The following POU6F2 variants were observed in gnomAD, a reference collection of about 807,000 sequenced individuals.
The protein encoded by POU6F2 is POU class 6 homeobox 2.
In POU6F2, 31 loss-of-function variants were observed where a neutral mutation model predicts 71.3. The ratio of observed to expected loss-of-function variants is 0.43; its 90% CI spans 0.33 to 0.59. POU6F2 has a LOEUF of 0.59. Among genes scored for constraint, POU6F2 ranks in the 20% least tolerant of loss-of-function variants. The pLI is 0.04. For synonymous variants in POU6F2, 347 were observed against 355.7 expected (o/e 0.98, Z 0.27); for missense variants, 783 against 856.8 (o/e 0.91, Z 1.07).
chr7:39,329,482 T>G (rs1438694755), intron 4 of POU6F2, among the ~76,000 whole-genome samples: 1 of 152,146 alleles, frequency 6.6e-6, no homozygotes. Flanking sequence ...TATACTTTGA[T>G]TCTTAGAAGT....
intron 8 of POU6F2, among the ~76,000 whole-genome samples, chr7:39,452,321 G>T (rs1423235675): frequency 2.6e-5 from 4 of 152,204 alleles, no homozygotes; most frequent in African/African-American, 9.7e-5. Flanking sequence ...ATAGTTTTTA[G>T]AATGGTATTT....
At chr7:39,355,204 A>G (rs1036571513) in intron 5 of POU6F2, among the ~76,000 whole-genome samples, 6 of 152,190 alleles carry the variant, frequency 3.9e-5, no homozygotes, top group Admixed American at 2.0e-4. Flanking sequence ...AGATTGGGGA[A>G]GGGCATGGTG....
intron 4 of POU6F2, among the ~76,000 whole-genome samples, chr7:39,291,142 C>T (rs1378508610): frequency 1.3e-5 from 2 of 151,978 alleles, no homozygotes; most frequent in African/African-American, 2.4e-5. Flanking sequence ...TAGCTGATAA[C>T]GTATAGCATT....
intron 4 of POU6F2, among the ~76,000 whole-genome samples, chr7:39,334,845 T>A (rs1235008740): frequency 6.6e-6 from 1 of 152,148 alleles, no homozygotes; most frequent in African/African-American, 2.4e-5. Context: ...AAATACAGAG[T>A]TAGGGAGGCA....
At chr7:39,097,216 CT>C (rs1378381337) in intron 2 of POU6F2, among the ~76,000 whole-genome samples, 3 of 152,026 alleles carry the variant, frequency 2.0e-5, no homozygotes, top group Non-Finnish European at 4.4e-5. Context: ...TTATTATTCT[CT>C]GTCAAAATTC....
rs117652635 is a variant in POU6F2, at chr7:39,426,036, G to A, written c.1114-7041G>A. Among the ~76,000 whole-genome samples the A allele has an allele frequency of 5.0e-3, 759 of 152,194 alleles. 4 individuals are homozygous for A. The highest frequency in any genetic ancestry group is 0.018 in the South Asian group (88 of 4,822). On this transcript the variant is annotated intron_variant, in intron 6 of 9. Transcript: ENST00000518318. Reference sequence around the variant, plus strand: ...CCCAGCTGCAACCCTAACTTAAAACGCCGTTAGCAGCCCCAACTGGGGCTC... The same window carrying A: ...CCCAGCTGCAACCCTAACTTAAAACACCGTTAGCAGCCCCAACTGGGGCTC...
At chr7:39,108,412 C>T (rs574186866) in intron 2 of POU6F2, among the ~76,000 whole-genome samples, 54 of 152,182 alleles carry the variant, frequency 3.5e-4, no homozygotes, top group African/African-American at 1.2e-3. Flanking sequence ...TTCTTTCCTT[C>T]GACCTCAGCT....
intron 2 of POU6F2, among the ~76,000 whole-genome samples, chr7:39,087,497 A>G (rs1791277753): frequency 6.6e-6 from 1 of 152,124 alleles, no homozygotes; most frequent in African/African-American, 2.4e-5. Context: ...CCCTAAAGAA[A>G]TATTTTTTAT....
intron 5 of POU6F2, among the ~76,000 whole-genome samples, chr7:39,390,435 T>C (rs1004718229): frequency 6.6e-6 from 1 of 152,178 alleles, no homozygotes; most frequent in Non-Finnish European, 1.5e-5. Context: ...GGTCGCTTAA[T>C]GGTAAGGCAA....
At chr7:39,361,852 G>A (rs1272888488) in intron 5 of POU6F2, among the ~76,000 whole-genome samples, 6 of 152,278 alleles carry the variant, frequency 3.9e-5, no homozygotes, top group Admixed American at 3.3e-4. Flanking sequence ...GTTTGAGCTC[G>A]GGTGTTTGAG....
At chr7:39,242,904 G>A (rs4404830) in intron 4 of POU6F2, among the ~76,000 whole-genome samples, 38,974 of 151,962 alleles carry the variant, frequency 0.26, 5,669 homozygotes, top group African/African-American at 0.4. Flanking sequence ...GGAAACCGAA[G>A]TACAGAGAAG....
intron 4 of POU6F2, among the ~76,000 whole-genome samples, chr7:39,247,097 G>A (rs531819454): frequency 6.6e-6 from 1 of 151,960 alleles, no homozygotes; most frequent in Non-Finnish European, 1.5e-5. Flanking sequence ...AGCTCTGTGC[G>A]TGGGTGCTTC....
chr7:39,014,399 A>T (rs1391604091), intron 1 of POU6F2, among the ~76,000 whole-genome samples: 2 of 152,206 alleles, frequency 1.3e-5, no homozygotes, highest in East Asian at 3.8e-4. Flanking sequence ...GAAGGTGAAC[A>T]TACTGAAAAA....
intron 2 of POU6F2, among the ~76,000 whole-genome samples, chr7:39,194,734 G>T (rs567041382): frequency 1.3e-5 from 2 of 152,308 alleles, no homozygotes; most frequent in Non-Finnish European, 1.5e-5. Context: ...ACTTTTGCTG[G>T]TGCTCCCTCT....
At chr7:39,250,284 C>G (rs775936579) in intron 4 of POU6F2, among the ~76,000 whole-genome samples, 1 of 152,184 alleles carries the variant, frequency 6.6e-6, no homozygotes, top group African/African-American at 2.4e-5. Context: ...CACCCAAACC[C>G]TCTCATTGCA....
At chr7:39,311,916 A>G (rs1174533649) in intron 4 of POU6F2, among the ~76,000 whole-genome samples, 2 of 152,250 alleles carry the variant, frequency 1.3e-5, no homozygotes, top group Non-Finnish European at 2.9e-5. Flanking sequence ...TGAAACTTCT[A>G]AAGAAAGAAT....
intron 5 of POU6F2, among the ~76,000 whole-genome samples, chr7:39,358,854 G>T (rs2115701377): frequency 6.8e-6 from 1 of 146,276 alleles, no homozygotes; most frequent in South Asian, 2.2e-4. Flanking sequence ...AAAAGAAAGT[G>T]GAGCTGTACT....
intron 2 of POU6F2, among the ~76,000 whole-genome samples, chr7:39,103,159 G>A (rs537605267): frequency 7.0e-4 from 107 of 152,328 alleles, no homozygotes; most frequent in African/African-American, 2.2e-3. Flanking sequence ...CCCTCCTCTC[G>A]TGGACTTCAT....
intron 2 of POU6F2, among the ~76,000 whole-genome samples, chr7:39,094,377 G>A (rs1206403602): frequency 6.6e-6 from 1 of 151,828 alleles, no homozygotes; most frequent in Non-Finnish European, 1.5e-5. Flanking sequence ...TCTATTTCTG[G>A]GATAGACATA....
Sources: allele counts gnomAD v4.1 joint callset (sites outside exome capture counted in the v4.1 genomes callset), GRCh38; gene constraint gnomAD v4.1.1; transcripts MANE v1.5; gene names NCBI Gene and HGNC (gene_info 2026-07-23, HGNC 2026-07-21).